Variants in XKR6 observed in about 807,000 individuals in gnomAD.
XKR6 encodes XK-related protein 6.
A neutral mutation model predicts 56.7 loss-of-function variants in XKR6; 22 were observed. The observed-to-expected ratio is 0.39, with a 90% CI of 0.28 to 0.55. XKR6 has a LOEUF of 0.55. Ranked by LOEUF, XKR6 falls within the 20% of genes least tolerant of loss-of-function variation. The pLI is 0.66. For missense variants in XKR6, 852 were observed against 889.0 expected, an observed-to-expected ratio of 0.96 and a Z score of 0.53; for synonymous variants, 524 against 387.8, an observed-to-expected ratio of 1.35 and a Z score of -4.13.
intron 1 of XKR6, among the ~76,000 whole-genome samples, chr8:11,090,614 A>C (rs994012745): frequency 6.6e-6 from 1 of 152,140 alleles, no homozygotes; most frequent in African/African-American, 2.4e-5. Context: ...TATTGTTTTA[A>C]TTGCATTTTT....
chr8:11,011,609 C>G (rs1798499960), intron 1 of XKR6, among the ~76,000 whole-genome samples: 1 of 152,116 alleles, frequency 6.6e-6, no homozygotes, highest in East Asian at 1.9e-4. Flanking sequence ...ACGAAAGAGA[C>G]AGCAAACAAA....
intron 1 of XKR6, among the ~76,000 whole-genome samples, chr8:11,184,809 G>C (rs1216133380): frequency 2.6e-5 from 4 of 152,074 alleles, no homozygotes; most frequent in African/African-American, 4.8e-5. Flanking sequence ...TGGGAATACA[G>C]GTGTGAGCCA....
intron 1 of XKR6, among the ~76,000 whole-genome samples, chr8:11,192,039 A>G (rs902116554): frequency 6.6e-6 from 1 of 152,202 alleles, no homozygotes; most frequent in Non-Finnish European, 1.5e-5. Context: ...CTATATTAAC[A>G]ACTGGCCAGG....
At chr8:10,998,250 A>T (rs889667827) in intron 1 of XKR6, among the ~76,000 whole-genome samples, 4 of 152,094 alleles carry the variant, frequency 2.6e-5, no homozygotes, top group African/African-American at 9.6e-5. Context: ...TAAGGAGAAG[A>T]AAGAGAAGGA....
Position 11,067,366 on chromosome 8 carries a change from C to A in XKR6, c.764+133210G>T, listed in dbSNP as rs922045086. 5.3e-5 allele frequency among the ~76,000 whole-genome samples: 8 copies of A among 152,344 alleles called. No individual in the cohort carries two copies. In the East Asian group the frequency reaches 7.7e-4, roughly 15 times the overall value. On this transcript the variant is annotated intron_variant, in intron 1 of 2. Transcript: ENST00000416569. ...CTGTGGCAGCCTGGGCAGAGCCCCC[C>A]ACCCGGGTGATCTCAACCCAGGCAC...
At chr8:10,990,622 C>T (rs1797968960) in intron 1 of XKR6, among the ~76,000 whole-genome samples, 1 of 152,134 alleles carries the variant, frequency 6.6e-6, no homozygotes, top group Non-Finnish European at 1.5e-5. Flanking sequence ...GACAGGGTCT[C>T]ACTCTGTCAC....
At chr8:11,129,852 T>A (rs549680281) in intron 1 of XKR6, among the ~76,000 whole-genome samples, 5 of 152,296 alleles carry the variant, frequency 3.3e-5, no homozygotes, top group Non-Finnish European at 5.9e-5. Context: ...ACAATAAATG[T>A]GTGAAGACAA....
intron 1 of XKR6, among the ~76,000 whole-genome samples, chr8:11,128,154 G>A (rs1365115664): frequency 1.3e-5 from 2 of 152,166 alleles, no homozygotes; most frequent in African/African-American, 4.8e-5. Flanking sequence ...CAATCTGAAT[G>A]TTTGGTTGAG....
chr8:11,080,844 C>T (rs113817371), intron 1 of XKR6, among the ~76,000 whole-genome samples: 6,609 of 152,292 alleles, frequency 0.043, 520 homozygotes, highest in African/African-American at 0.15. Context: ...CACTGTTTGC[C>T]GGTCGAAGCT....
chr8:11,116,282 G>T (rs1160266353), intron 1 of XKR6, among the ~76,000 whole-genome samples: 1 of 152,168 alleles, frequency 6.6e-6, no homozygotes, highest in Non-Finnish European at 1.5e-5. Context: ...TCCACTCTAA[G>T]TCTTAAACAT....
intron 1 of XKR6, among the ~76,000 whole-genome samples, chr8:11,101,843 T>A (rs1163392490): frequency 1.3e-5 from 2 of 152,308 alleles, no homozygotes; most frequent in East Asian, 3.9e-4. Flanking sequence ...CCTTTAGGGA[T>A]GTGGCTCACC....
rs145568874 is a variant in XKR6, at chr8:11,117,055, T to G, written c.764+83521A>C. Among the ~76,000 whole-genome samples, 83 of 152,370 alleles carry G rather than the reference T, an allele frequency of 5.4e-4. 1 individual carries two copies. The East Asian group carries it at 0.014, about 27-fold the overall frequency. ...ATAGGATTGATGAATTCTAGTGAGT[T>G]AGTTACAAATTTAGACTAACTATAG... On this transcript the variant is annotated intron_variant, in intron 1 of 2. Coordinates refer to ENST00000416569, the MANE Select transcript of XKR6 (RefSeq NM_173683.4).
intron 1 of XKR6, among the ~76,000 whole-genome samples, chr8:11,114,451 T>G (rs1563146040): frequency 6.6e-6 from 1 of 152,162 alleles, no homozygotes; most frequent in Non-Finnish European, 1.5e-5. Context: ...AGCCTCTGCC[T>G]CCTGGGTTCA....
Position 10,969,571 on chromosome 8 carries a change from C to G in XKR6, c.765-44741G>C, listed in dbSNP as rs540947578. ...AGCTTAAGGGGAAATCAAGAGAATG[C>G]GGAGTAAGCCCAAAGGAAGACCTAA... On this transcript the variant is annotated intron_variant, in intron 1 of 2. Transcript: ENST00000416569. Among the ~76,000 whole-genome samples the G allele has an allele frequency of 2.6e-5, 4 of 152,186 alleles. No individual in the cohort carries two copies. In the East Asian group the frequency reaches 7.7e-4, roughly 29 times the overall value.
At chr8:10,961,920 GT>G (rs2129130826) in intron 1 of XKR6, among the ~76,000 whole-genome samples, 1 of 152,288 alleles carries the variant, frequency 6.6e-6, no homozygotes, top group Admixed American at 6.5e-5. Flanking sequence ...TGACAATAAC[GT>G]GGGGCATTTA....
rs573032425 is a variant in XKR6 at position 11,069,238 on chromosome 8, G to A, written c.764+131338C>T. 4.3e-3 allele frequency among the ~76,000 whole-genome samples: 638 copies of A among 147,358 alleles called. 4 individuals carry two copies. The highest frequency in any genetic ancestry group is 0.016 in the African/African-American group (618 of 39,748). On this transcript the variant is annotated intron_variant, in intron 1 of 2. Coordinates refer to ENST00000416569, the MANE Select transcript of XKR6 (RefSeq NM_173683.4). ...TCCACTCTCCAACCTGAAAAGATAT[G>A]CCAAAAAAAAAAAAAATCTACATTT...
At chr8:11,042,684 A>C (rs541077540) in intron 1 of XKR6, among the ~76,000 whole-genome samples, 30 of 152,222 alleles carry the variant, frequency 2.0e-4, no homozygotes, top group Non-Finnish European at 4.0e-4. Context: ...TGAAATCTGA[A>C]ATGTTCCAAT....
chr8:11,163,995 C>A (rs1228638911), intron 1 of XKR6, among the ~76,000 whole-genome samples: 1 of 152,158 alleles, frequency 6.6e-6, no homozygotes, highest in Non-Finnish European at 1.5e-5. Context: ...CAGACACATG[C>A]TTCCAAACAG....
intron 1 of XKR6, among the ~76,000 whole-genome samples, chr8:11,196,165 A>G (rs11997153): frequency 0.025 from 3,816 of 152,186 alleles, 179 homozygotes; most frequent in African/African-American, 0.085. Flanking sequence ...TTCTTAAACC[A>G]CAAAATCTTA....
Sources: allele counts gnomAD v4.1 joint callset (sites outside exome capture counted in the v4.1 genomes callset), GRCh38; gene constraint gnomAD v4.1.1; transcripts MANE v1.5; gene names NCBI Gene and HGNC (gene_info 2026-07-23, HGNC 2026-07-21).